RNF2: variants seen among roughly 807,000 people sequenced by gnomAD.
The protein encoded by RNF2 is E3 ubiquitin-protein ligase RING2.
RNF2 carries 6 observed loss-of-function variants against 37.2 expected under a neutral mutation model. The ratio of observed to expected loss-of-function variants is 0.16; its 90% CI spans 0.09 to 0.32. RNF2 has a LOEUF of 0.32. RNF2 is among the 10% of genes least tolerant of loss of function. The probability of loss-of-function intolerance (pLI) is 1.00; values close to 1 mark genes in which losing one functional copy is unlikely to be tolerated. For synonymous variants in RNF2, 133 were observed against 132.7 expected, an observed-to-expected ratio of 1.00 and a Z score of -0.02; for missense variants, 251 against 404.0, an observed-to-expected ratio of 0.62 and a Z score of 3.25.
chr1:185,088,341 G>A (rs1292740900), intron 2 of RNF2, among the ~76,000 whole-genome samples: 1 of 151,826 alleles, frequency 6.6e-6, no homozygotes, highest in African/African-American at 2.4e-5. Flanking sequence ...AGAGAGAGGG[G>A]GGATTTAAAA....
At chr1:185,062,277 T>C (rs573096650) in intron 1 of RNF2, among the ~76,000 whole-genome samples, 41 of 152,340 alleles carry the variant, frequency 2.7e-4, no homozygotes, top group African/African-American at 9.6e-4. Context: ...CAGGCAATCA[T>C]TTATTGTTGA....
chr1:185,083,513 T>C lies in RNF2; in HGVS notation c.-2-4039T>C, dbSNP rs1455795969. ...CCTCCACTCTTCGCTTTCTCTCTCC[T>C]TCCCACTCAGGGTCTCTCCTGCAGC... is the stretch of plus-strand genomic sequence containing the variant. On this transcript the variant is annotated intron_variant, in intron 1 of 6. Transcript: ENST00000367510. 2.0e-5 allele frequency among the ~76,000 whole-genome samples: 3 copies of C among 152,224 alleles called. No individual in the cohort carries two copies. The East Asian group carries it at 5.8e-4, about 29-fold the overall frequency.
At chr1:185,061,596 G>C (rs555499693) in intron 1 of RNF2, among the ~76,000 whole-genome samples, 1 of 152,166 alleles carries the variant, frequency 6.6e-6, no homozygotes, top group Non-Finnish European at 1.5e-5. Context: ...TTAAGACAGA[G>C]TGGGAAAAAA....
At chr1:185,060,737 T>TG (rs1049073514) in intron 1 of RNF2, among the ~76,000 whole-genome samples, 1 of 152,082 alleles carries the variant, frequency 6.6e-6, no homozygotes, top group Non-Finnish European at 1.5e-5. Context: ...TTGGAGAAGA[T>TG]GAAAAAATCT....
chr1:185,088,542 A>T (rs943776809), intron 2 of RNF2, among the ~76,000 whole-genome samples: 1 of 147,630 alleles, frequency 6.8e-6, no homozygotes. Context: ...GGCGACAAGA[A>T]CGAAACTCCG....
At chr1:185,079,558 C>T (rs938254982) in intron 1 of RNF2, among the ~76,000 whole-genome samples, 7 of 152,152 alleles carry the variant, frequency 4.6e-5, no homozygotes, top group African/African-American at 1.7e-4. Context: ...CTTTTAAAGC[C>T]AACCTCCTCT....
At chr1:185,049,857 C>G (rs1650225900) in intron 1 of RNF2, among the ~76,000 whole-genome samples, 1 of 152,136 alleles carries the variant, frequency 6.6e-6, no homozygotes, top group Non-Finnish European at 1.5e-5. Flanking sequence ...AGACTGGAAC[C>G]ATTTGCTAAC....
At chr1:185,077,913 T>C (rs1361361530) in intron 1 of RNF2, among the ~76,000 whole-genome samples, 1 of 152,322 alleles carries the variant, frequency 6.6e-6, no homozygotes, top group South Asian at 2.1e-4. Flanking sequence ...ATACCATACA[T>C]TGTGATAAGG....
chr1:185,092,392 G>A (rs563836438), intron 3 of RNF2, among the ~76,000 whole-genome samples: 2 of 150,728 alleles, frequency 1.3e-5, no homozygotes, highest in South Asian at 4.2e-4. Context: ...GGTCAGGCTG[G>A]TCTTGAACTC....
At chr1:185,083,779 G>C (rs1035425138) in intron 1 of RNF2, among the ~76,000 whole-genome samples, 9 of 150,802 alleles carry the variant, frequency 6.0e-5, no homozygotes, top group African/African-American at 2.0e-4. Flanking sequence ...CTAACATTTT[G>C]TATTTTTTGT....
At chr1:185,072,812 C>T (rs1415885253) in intron 1 of RNF2, among the ~76,000 whole-genome samples, 1 of 152,012 alleles carries the variant, frequency 6.6e-6, no homozygotes, top group Non-Finnish European at 1.5e-5. Context: ...TAGTGGCACG[C>T]GCCTGTAGTC....
At chr1:185,049,242 A>G (rs1650205074) in intron 1 of RNF2, among the ~76,000 whole-genome samples, 1 of 152,150 alleles carries the variant, frequency 6.6e-6, no homozygotes, top group African/African-American at 2.4e-5. Context: ...CTCATGCCAC[A>G]CTATCAGAGG....
At chr1:185,060,062 T>C (rs1458842782) in intron 1 of RNF2, among the ~76,000 whole-genome samples, 1 of 152,238 alleles carries the variant, frequency 6.6e-6, no homozygotes, top group Admixed American at 6.5e-5. Flanking sequence ...CATTGGAACT[T>C]GATGAACATT....
intron 1 of RNF2, among the ~76,000 whole-genome samples, chr1:185,056,721 A>G (rs1378958317): frequency 2.1e-5 from 3 of 141,124 alleles, no homozygotes; most frequent in African/African-American, 5.2e-5. Flanking sequence ...CCTGTGTTCA[A>G]TATGTTGCTT....
rs557048796 is a variant in RNF2, at chr1:185,096,138, A to T, written c.465-1934A>T. On this transcript the variant is annotated intron_variant, in intron 4 of 6. Coordinates refer to ENST00000367510, the MANE Select transcript of RNF2 (RefSeq NM_007212.4). ...TTAGGTCACTGTAATTTATGGTCAAATAACTTTTCATTTGCTTTAGTTGTG... is the reference window on the plus strand; with the variant it reads ...TTAGGTCACTGTAATTTATGGTCAATTAACTTTTCATTTGCTTTAGTTGTG... 2.0e-5 allele frequency among the ~76,000 whole-genome samples: 3 copies of T among 152,316 alleles called. No homozygotes were observed. The East Asian group carries it at 5.8e-4, about 29-fold the overall frequency.
intron 1 of RNF2, among the ~76,000 whole-genome samples, chr1:185,062,406 C>T (rs979217338): frequency 6.6e-6 from 1 of 152,054 alleles, no homozygotes; most frequent in African/African-American, 2.4e-5. Context: ...ATATTTCTCT[C>T]TCTTTTCCCA....
intron 1 of RNF2, among the ~76,000 whole-genome samples, chr1:185,074,194 TA>T (rs774018730): frequency 3.9e-5 from 6 of 152,202 alleles, no homozygotes; most frequent in Non-Finnish European, 5.9e-5. Flanking sequence ...CCTGTGGAGT[TA>T]GAGTGTATCA....
chr1:185,067,657 G>GA (rs942229803), intron 1 of RNF2, among the ~76,000 whole-genome samples: 58 of 147,652 alleles, frequency 3.9e-4, no homozygotes, highest in Non-Finnish European at 6.0e-5. Flanking sequence ...TCAAACAAAT[G>GA]AAAAAAATGC....
At chr1:185,099,621 C>T (rs1652019526) in intron 5 of RNF2, among the ~76,000 whole-genome samples, 170 bp from the exon 6 acceptor site, 1 of 152,080 alleles carries the variant, frequency 6.6e-6, no homozygotes, top group African/African-American at 2.4e-5. Flanking sequence ...CTGTACCTAT[C>T]AATAAGAAAT....
Sources: gnomAD v4.1 joint callset for allele counts (sites outside exome capture counted in the v4.1 genomes callset) on GRCh38, gnomAD v4.1.1 for gene constraint, MANE v1.5 for transcripts, NCBI Gene and HGNC (gene_info 2026-07-23, HGNC 2026-07-21) for gene names.